Variants in AAK1 observed in about 807,000 individuals in gnomAD.
The protein encoded by AAK1 is AP2 associated kinase 1, also known as AP2-associated protein kinase 1.
AAK1 carries 37 observed loss-of-function variants against 116.0 expected under a neutral mutation model. That is an observed-to-expected ratio of 0.32 (90% confidence interval 0.25 to 0.42). The LOEUF (loss-of-function observed/expected upper bound fraction) is 0.42, where lower values mean the gene tolerates loss of function less well. Ranked by LOEUF, AAK1 falls within the 10% of genes least tolerant of loss-of-function variation. AAK1 has a pLI of 1.00. For missense variants in AAK1, 919 were observed against 1,170.6 expected (o/e 0.79, Z 3.14); for synonymous variants, 458 against 439.9 (o/e 1.04, Z -0.51).
intron 13 of AAK1, among the ~76,000 whole-genome samples, chr2:69,513,823 T>C (rs1676481316): frequency 6.6e-6 from 1 of 152,160 alleles, no homozygotes; most frequent in Non-Finnish European, 1.5e-5. Flanking sequence ...GATGTGCCCG[T>C]GTGTGTTGAA....
chr2:69,550,591 G>A (rs768359311), intron 3 of AAK1, among the ~76,000 whole-genome samples: 17 of 151,160 alleles, frequency 1.1e-4, no homozygotes, highest in Non-Finnish European at 1.8e-4. Flanking sequence ...CTGCGTGCCC[G>A]GCCTCTTTTT....
rs562682570 is a variant in AAK1, at chr2:69,574,309, C to T, written c.164-17331G>A. 2.0e-4 allele frequency among the ~76,000 whole-genome samples: 28 copies of T among 137,334 alleles called. 1 individual carries two copies. Among genetic ancestry groups the T allele is most frequent in the East Asian group, 6.9e-4 (3 of 4,326 alleles). 90.1% of individuals were successfully genotyped at this position (137,334 alleles called of 152,430 possible). A position where few individuals can be genotyped will look rare whatever the true frequency, so the allele number is the denominator to read the frequency against. On this transcript the variant is annotated intron_variant, in intron 2 of 21. Coordinates refer to ENST00000409085, the MANE Select transcript of AAK1 (RefSeq NM_014911.5). ...TTGCTTGAATCTTGAATCCGGGAGG[C>T]GGAAGCTGCAGTGAGCAGAGATCAC...
At chr2:69,502,776 A>G (rs1457684089) in intron 16 of AAK1, among the ~76,000 whole-genome samples, 1 of 152,262 alleles carries the variant, frequency 6.6e-6, no homozygotes, top group Non-Finnish European at 1.5e-5. Context: ...ACTTGAAAAT[A>G]TGTATAAAAA....
Position 69,474,739 on chromosome 2 carries a change from A to G in AAK1, c.*1130T>C. 1 of 985,812 alleles carries G rather than the reference A, an allele frequency of 1.0e-6. No homozygotes were observed. Among genetic ancestry groups the G allele is most frequent in the Non-Finnish European group, 1.2e-6 (1 of 829,900 alleles). The allele number at this position is 985,812 out of a possible 1,614,324, so 61.1% of individuals were successfully genotyped here. Reference sequence around the variant, plus strand: ...AGGACCTGCTGAAAGCTTATAGCACACAAGTCTATTCAAAATGATTCCATA... The same window carrying G: ...AGGACCTGCTGAAAGCTTATAGCACGCAAGTCTATTCAAAATGATTCCATA... On this transcript the variant is annotated 3_prime_UTR_variant, in exon 22 of 22. Transcript: ENST00000409085.
At chr2:69,627,468 T>C (rs1674959693) in intron 2 of AAK1, among the ~76,000 whole-genome samples, 1 of 152,044 alleles carries the variant, frequency 6.6e-6, no homozygotes, top group South Asian at 2.1e-4. Flanking sequence ...GGGATTTAAG[T>C]GAGCTCTGAA....
chr2:69,635,960 A>T (rs1486854367), intron 2 of AAK1, among the ~76,000 whole-genome samples: 1 of 152,212 alleles, frequency 6.6e-6, no homozygotes, highest in African/African-American at 2.4e-5. Flanking sequence ...TTACATTTAA[A>T]AATTTAGAAA....
At chr2:69,484,916 A>G (rs993463202) in intron 17 of AAK1, among the ~76,000 whole-genome samples, 1 of 151,564 alleles carries the variant, frequency 6.6e-6, no homozygotes, top group Non-Finnish European at 1.5e-5. Flanking sequence ...AAAAGGAAGG[A>G]AAAAAAAGGA....
chr2:69,558,222 T>C (rs2105088239), intron 2 of AAK1, among the ~76,000 whole-genome samples: 1 of 151,516 alleles, frequency 6.6e-6, no homozygotes, highest in East Asian at 1.9e-4. Context: ...CGCACACCTA[T>C]GGCCCAGCTA....
At chr2:69,621,649 C>T (rs1674632606) in intron 2 of AAK1, among the ~76,000 whole-genome samples, 1 of 152,108 alleles carries the variant, frequency 6.6e-6, no homozygotes, top group Non-Finnish European at 1.5e-5. Context: ...TGTTATACAG[C>T]AATAGATGAC....
chr2:69,506,988 T>G (rs192826073), intron 15 of AAK1, among the ~76,000 whole-genome samples: 9 of 152,246 alleles, frequency 5.9e-5, no homozygotes, highest in African/African-American at 2.2e-4. Flanking sequence ...TACAGAACTC[T>G]GACTATAGTG....
At chr2:69,521,699 C>T (rs1484102110) in intron 10 of AAK1, among the ~76,000 whole-genome samples, 1 of 152,204 alleles carries the variant, frequency 6.6e-6, no homozygotes, top group Non-Finnish European at 1.5e-5. Flanking sequence ...TAAGTCCTGG[C>T]ATTACATGAG....
chr2:69,551,145 T>A (rs1671166243), intron 3 of AAK1, among the ~76,000 whole-genome samples: 1 of 152,008 alleles, frequency 6.6e-6, no homozygotes, highest in Non-Finnish European at 1.5e-5. Context: ...AATCAAAGCA[T>A]CTTTGAAAAT....
chr2:69,487,530 T>C (rs28374498), intron 17 of AAK1, among the ~76,000 whole-genome samples: 1 of 152,138 alleles, frequency 6.6e-6, no homozygotes, highest in Non-Finnish European at 1.5e-5. Flanking sequence ...TTTTTCACCA[T>C]GAGTTATGAG....
chr2:69,519,819 A>AAG, intron 11 of AAK1, among the ~76,000 whole-genome samples: 1 of 152,336 alleles, frequency 6.6e-6, no homozygotes, highest in African/African-American at 2.4e-5. Context: ...CAAAGCATTA[A>AAG]AGAAACAATA....
At position 69,480,908 on chromosome 2, in the gene AAK1, GA is replaced by G; in HGVS notation, c.2520del (p.Gln842SerfsTer10). On this transcript the variant is annotated frameshift_variant, in exon 19 of 22. Coordinates refer to ENST00000409085, the MANE Select transcript of AAK1 (RefSeq NM_014911.5). LOFTEE classifies it high-confidence loss of function. ...ESLIPGLEPPVPQRLPSQTES... is the reference protein window; with the variant it reads ...ESLIPGLEPPXPQRLPSQTES... ...TCCGTCTGAGATGGGAGGCGCTGGG[GA>G]ACTGGGGGCTCCAGTCCTGGTATGA... is the stretch of plus-strand genomic sequence containing the variant. 2 of 1,607,446 alleles carry G rather than the reference GA, an allele frequency of 1.2e-6. No homozygotes were observed. Among genetic ancestry groups the G allele is most frequent in the South Asian group, 1.1e-5 (1 of 88,820 alleles).
chr2:69,628,892 CA>C (rs1675034822), intron 2 of AAK1, among the ~76,000 whole-genome samples: 1 of 152,126 alleles, frequency 6.6e-6, no homozygotes, highest in Admixed American at 6.5e-5. Context: ...CTGAAACTAG[CA>C]AGAACAGGAA....
intron 11 of AAK1, among the ~76,000 whole-genome samples, chr2:69,519,713 G>A (rs754724430): frequency 4.6e-5 from 7 of 152,154 alleles, no homozygotes; most frequent in Admixed American, 6.5e-5. Context: ...TCAGTTACTC[G>A]ATATTTTGGA....
chr2:69,606,743 C>T (rs888371653), intron 2 of AAK1, among the ~76,000 whole-genome samples: 1 of 152,132 alleles, frequency 6.6e-6, no homozygotes, highest in Admixed American at 6.5e-5. Context: ...ACCAGGGAGA[C>T]AGGCCATAAA....
chr2:69,496,636 C>T (rs988198277), intron 16 of AAK1, among the ~76,000 whole-genome samples: 4 of 152,098 alleles, frequency 2.6e-5, no homozygotes, highest in African/African-American at 9.7e-5. Flanking sequence ...TCTGAAATTC[C>T]ACTCCTTTCT....
Sources: allele counts gnomAD v4.1 joint callset (sites outside exome capture counted in the v4.1 genomes callset), GRCh38; gene constraint gnomAD v4.1.1; transcripts MANE v1.5; gene names NCBI Gene and HGNC (gene_info 2026-07-23, HGNC 2026-07-21).